PDE4B: variants seen among roughly 807,000 people sequenced by gnomAD.
PDE4B encodes the protein 3',5'-cyclic-AMP phosphodiesterase 4B.
In PDE4B, 20 loss-of-function variants were observed where a neutral mutation model predicts 82.2. That is an observed-to-expected ratio of 0.24 (90% CI 0.17 to 0.35). PDE4B has a LOEUF of 0.35. Among genes scored for constraint, PDE4B ranks in the 10% least tolerant of loss-of-function variants. The pLI is 1.00. For missense variants in PDE4B, 655 were observed against 907.2 expected, an observed-to-expected ratio of 0.72 and a Z score of 3.57; for synonymous variants, 320 against 318.9, an observed-to-expected ratio of 1.00 and a Z score of -0.04.
intron 1 of PDE4B, among the ~76,000 whole-genome samples, chr1:65,874,052 C>A (rs61799362): frequency 0.16 from 24,611 of 151,054 alleles, 2,269 homozygotes; most frequent in South Asian, 0.28. Context: ...CCCATGAGCA[C>A]GGAATGTTCT....
chr1:65,947,662 T>C (rs1648780173), intron 3 of PDE4B, among the ~76,000 whole-genome samples: 1 of 151,914 alleles, frequency 6.6e-6, no homozygotes, highest in African/African-American at 2.4e-5. Context: ...GACACAGCTA[T>C]AGACACAGAG....
rs549992742 is a variant in PDE4B, at chr1:66,364,946, A to G, written c.1285-721A>G. ...GAAGGACCAGAAGATTTAACTAATC[A>G]CAGAGGATGAGGAAAGACATTTCAG... On this transcript the variant is annotated intron_variant, in intron 12 of 16. Transcript: ENST00000341517. Among the ~76,000 whole-genome samples, 28 of 152,320 alleles carry G rather than the reference A, an allele frequency of 1.8e-4. No individual in the cohort carries two copies. The South Asian group carries it at 5.0e-3, about 27-fold the overall frequency.
At chr1:66,312,581 A>G (rs990528603) in intron 7 of PDE4B, among the ~76,000 whole-genome samples, 3 of 152,216 alleles carry the variant, frequency 2.0e-5, no homozygotes, top group East Asian at 1.9e-4. Flanking sequence ...CCTTATTTTC[A>G]TGTTACCTCA....
chr1:66,368,939 T>A lies in PDE4B; in HGVS notation c.1815T>A (p.Asp605Glu). Residue 605 changes from aspartate to glutamate, a missense_variant, in exon 16 of 17, where the codon GAT (aspartate) becomes GAA (glutamate). Around this residue, in one of 3 missense-constraint regions of PDE4B, gnomAD observed 283 missense variants for 516.4 expected, o/e 0.55. Coordinates refer to ENST00000341517, the MANE Select transcript of PDE4B (RefSeq NM_002600.4). ...GAATGGAAATTAGCCCAATGTGTGA[T>A]AAACACACAGCTTCTGTGGAAAAAT... Reference protein sequence around the residue: ...ERGMEISPMCDKHTASVEKSQ... With the variant: ...ERGMEISPMCEKHTASVEKSQ... 1 of 1,611,582 alleles carries A rather than the reference T, an allele frequency of 6.2e-7. No individual in the cohort carries two copies. The highest frequency in any genetic ancestry group is 1.7e-5 in the Admixed American group (1 of 59,438).
At chr1:66,325,168 G>A (rs1278923788) in intron 7 of PDE4B, among the ~76,000 whole-genome samples, 1 of 152,192 alleles carries the variant, frequency 6.6e-6, no homozygotes, top group Non-Finnish European at 1.5e-5. Flanking sequence ...GGCATGTAGA[G>A]CCATAGGAGC....
intron 3 of PDE4B, among the ~76,000 whole-genome samples, chr1:65,970,088 T>C (rs918864208): frequency 6.6e-5 from 10 of 152,054 alleles, no homozygotes; most frequent in African/African-American, 2.4e-4. Flanking sequence ...TTAATACTTG[T>C]ATTCATTTAT....
chr1:65,849,586 A>G (rs1034291186), intron 1 of PDE4B, among the ~76,000 whole-genome samples: 1 of 151,974 alleles, frequency 6.6e-6, no homozygotes. Context: ...ATCCCACTCT[A>G]TGGGCCCGGG....
chr1:66,204,701 G>A (rs1384656932), intron 3 of PDE4B, among the ~76,000 whole-genome samples: 5 of 152,332 alleles, frequency 3.3e-5, no homozygotes, highest in East Asian at 1.9e-4. Flanking sequence ...TTGGAAAAGC[G>A]CAGAATTAGG....
intron 3 of PDE4B, among the ~76,000 whole-genome samples, chr1:66,098,931 C>T (rs1034685782): frequency 2.0e-5 from 3 of 152,214 alleles, no homozygotes; most frequent in East Asian, 1.9e-4. Context: ...ATTGAATTAC[C>T]GTAACACATC....
chr1:65,930,823 T>C (rs1647789485), intron 3 of PDE4B, among the ~76,000 whole-genome samples: 1 of 152,220 alleles, frequency 6.6e-6, no homozygotes, highest in Admixed American at 6.5e-5. Context: ...TTTGAGTTAA[T>C]GCTGGAATGA....
chr1:66,079,238 G>A (rs1453656765), intron 3 of PDE4B, among the ~76,000 whole-genome samples: 1 of 143,086 alleles, frequency 7.0e-6, no homozygotes. Flanking sequence ...TTCATTTAAT[G>A]CTTTTTTATT....
chr1:65,928,296 T>A (rs1647622054), intron 3 of PDE4B, among the ~76,000 whole-genome samples: 1 of 152,248 alleles, frequency 6.6e-6, no homozygotes, highest in Admixed American at 6.5e-5. Flanking sequence ...TAAATTAGTC[T>A]TTTGTCCATT....
intron 3 of PDE4B, among the ~76,000 whole-genome samples, chr1:65,937,723 G>C (rs1173857200): frequency 6.6e-6 from 1 of 152,154 alleles, no homozygotes; most frequent in Admixed American, 6.5e-5. Context: ...ATGGACAATG[G>C]ATATTTAAAA....
intron 9 of PDE4B, among the ~76,000 whole-genome samples, chr1:66,356,325 C>T (rs1662238732): frequency 6.6e-6 from 1 of 152,190 alleles, no homozygotes; most frequent in Non-Finnish European, 1.5e-5. Flanking sequence ...CAACTATTGT[C>T]ATGCGTGTTA....
chr1:65,955,678 T>C (rs917202181), intron 3 of PDE4B, among the ~76,000 whole-genome samples: 3 of 152,150 alleles, frequency 2.0e-5, no homozygotes, highest in Non-Finnish European at 4.4e-5. Flanking sequence ...TCTAGCAGCT[T>C]ACCTGTATTT....
chr1:66,136,899 A>G (rs1646070193), intron 3 of PDE4B, among the ~76,000 whole-genome samples: 2 of 152,184 alleles, frequency 1.3e-5, no homozygotes, highest in Non-Finnish European at 1.5e-5. Context: ...AAGAGGTCTA[A>G]GAAGGAGGAC....
chr1:66,050,314 ATTG>A (rs1654949957), intron 3 of PDE4B, among the ~76,000 whole-genome samples: 1 of 152,172 alleles, frequency 6.6e-6, no homozygotes, highest in Non-Finnish European at 1.5e-5. Context: ...TCTGTGCAGT[ATTG>A]TTGTAACCAT....
chr1:66,151,688 C>G (rs1646397162), intron 3 of PDE4B, among the ~76,000 whole-genome samples: 1 of 152,186 alleles, frequency 6.6e-6, no homozygotes, highest in Admixed American at 6.5e-5. Context: ...TGAAGAATGT[C>G]TAACAATCTG....
intron 3 of PDE4B, among the ~76,000 whole-genome samples, chr1:66,192,574 C>A (rs1044320089): frequency 6.6e-6 from 1 of 152,104 alleles, no homozygotes; most frequent in African/African-American, 2.4e-5. Flanking sequence ...TACCCATTAC[C>A]CCTAGCGGAG....
Sources: allele counts gnomAD v4.1 joint callset (sites outside exome capture counted in the v4.1 genomes callset), GRCh38; gene constraint gnomAD v4.1.1; regional missense constraint gnomAD v4.1.1; transcripts MANE v1.5; gene names NCBI Gene and HGNC (gene_info 2026-07-23, HGNC 2026-07-21).